The following PKHD1 variants were observed in gnomAD, a reference collection of about 807,000 sequenced individuals.
The protein encoded by PKHD1 is PKHD1 ciliary IPT domain containing fibrocystin/polyductin.
Under a neutral mutation model 412.0 loss-of-function variants are expected in PKHD1, and 291 were observed. That is an observed-to-expected ratio of 0.71 (90% confidence interval 0.64 to 0.78). The LOEUF is 0.78. Ranked by LOEUF, PKHD1 falls within the 30% of genes least tolerant of loss-of-function variation. The pLI, the probability that PKHD1 is intolerant of heterozygous loss-of-function variation, is 0.00. For missense variants in PKHD1, 4,825 were observed against 4,950.7 expected, an observed-to-expected ratio of 0.97 and a Z score of 0.76; for synonymous variants, 1,777 against 1,821.5, an observed-to-expected ratio of 0.98 and a Z score of 0.62.
intron 35 of PKHD1, among the ~76,000 whole-genome samples, chr6:51,964,079 C>A (rs1583593777): frequency 6.6e-6 from 1 of 152,126 alleles, no homozygotes; most frequent in Admixed American, 6.6e-5. Flanking sequence ...AAAAAACTTT[C>A]CTGCCTCAGC....
chr6:51,793,247 T>C (rs1474437592), intron 52 of PKHD1, among the ~76,000 whole-genome samples: 1 of 152,252 alleles, frequency 6.6e-6, no homozygotes, highest in East Asian at 1.9e-4. Flanking sequence ...GAGAATGTTC[T>C]AGGTTTAGCA....
At chr6:51,673,376 C>G (rs1775309046) in intron 60 of PKHD1, among the ~76,000 whole-genome samples, 1 of 152,194 alleles carries the variant, frequency 6.6e-6, no homozygotes, top group Admixed American at 6.5e-5. Flanking sequence ...AAAGCATTAA[C>G]CTGAAGCTTT....
intron 60 of PKHD1, among the ~76,000 whole-genome samples, chr6:51,738,378 C>A (rs1784127036): frequency 6.6e-6 from 1 of 152,168 alleles, no homozygotes; most frequent in Non-Finnish European, 1.5e-5. Context: ...TCAAAGGACA[C>A]AGAGTTGCAG....
At position 51,781,995 on chromosome 6, in the gene PKHD1, A is replaced by G. The variant is rs1792095558; in HGVS notation, c.8441-6074T>C. 2.0e-5 allele frequency among the ~76,000 whole-genome samples: 3 copies of G among 151,832 alleles called. No individual in the cohort carries two copies. The South Asian group carries it at 6.2e-4, about 32-fold the overall frequency. On this transcript the variant is annotated intron_variant, in intron 53 of 66. Coordinates refer to ENST00000371117, the MANE Select transcript of PKHD1 (RefSeq NM_138694.4). ...AAAATCATTCATTCATTTATTCACT[A>G]GCTTTCCTAAAATTATTTTGTTTGT...
At chr6:51,737,889 T>G (rs1056648590) in intron 60 of PKHD1, among the ~76,000 whole-genome samples, 1 of 152,184 alleles carries the variant, frequency 6.6e-6, no homozygotes, top group South Asian at 2.1e-4. Flanking sequence ...CATAAAAAAA[T>G]ATTGGCAGGA....
intron 52 of PKHD1, among the ~76,000 whole-genome samples, chr6:51,807,524 T>G (rs1413664308): frequency 6.8e-6 from 1 of 147,106 alleles, no homozygotes; most frequent in South Asian, 2.1e-4. Flanking sequence ...TGTGTGTGTA[T>G]CCATCTATAT....
intron 19 of PKHD1, 123 bp downstream of exon 19, chr6:52,055,464 C>T: frequency 9.0e-7 from 1 of 1,110,052 alleles, no homozygotes; most frequent in Non-Finnish European, 1.3e-6. Flanking sequence ...GAACCTCAGC[C>T]TGAAACACCT....
At chr6:51,688,511 A>AC (rs998944697) in intron 60 of PKHD1, among the ~76,000 whole-genome samples, 1 of 141,176 alleles carries the variant, frequency 7.1e-6, no homozygotes, top group African/African-American at 2.5e-5. Flanking sequence ...AAACACACAC[A>AC]AAAAAAAAAA....
At chr6:51,915,255 A>C (rs1253122546) in intron 37 of PKHD1, among the ~76,000 whole-genome samples, 1 of 151,734 alleles carries the variant, frequency 6.6e-6, no homozygotes, top group Non-Finnish European at 1.5e-5. Context: ...TCACCAACTC[A>C]CTCTGCTGCA....
intron 46 of PKHD1, among the ~76,000 whole-genome samples, chr6:51,882,495 TC>T (rs1420153148): frequency 6.6e-6 from 1 of 152,198 alleles, no homozygotes; most frequent in East Asian, 1.9e-4. Context: ...AGAATATTCT[TC>T]CTTGGCTCCC....
intron 52 of PKHD1, among the ~76,000 whole-genome samples, chr6:51,803,286 T>C (rs1471646209): frequency 6.6e-6 from 1 of 151,490 alleles, no homozygotes; most frequent in Non-Finnish European, 1.5e-5. Flanking sequence ...GTAAATTACA[T>C]GTATTCAAAG....
intron 8 of PKHD1, among the ~76,000 whole-genome samples, chr6:52,071,695 G>A (rs1234443841): frequency 6.6e-6 from 1 of 152,266 alleles, no homozygotes; most frequent in East Asian, 1.9e-4. Context: ...GTTAGACAGG[G>A]TTCAAATCCC....
intron 60 of PKHD1, among the ~76,000 whole-genome samples, chr6:51,663,626 T>C (rs1773223171): frequency 6.6e-6 from 1 of 152,178 alleles, no homozygotes; most frequent in South Asian, 2.1e-4. Context: ...TGATATGTAA[T>C]GTCCTTTTCA....
chr6:51,754,493 T>C (rs1786637687), intron 56 of PKHD1, among the ~76,000 whole-genome samples: 1 of 152,200 alleles, frequency 6.6e-6, no homozygotes, highest in Non-Finnish European at 1.5e-5. Context: ...CCCAGTGACC[T>C]TGAACAAGAC....
rs1775976614 is a variant in PKHD1 at position 51,871,392 on chromosome 6, A to G, written c.7351-753T>C. On this transcript the variant is annotated intron_variant, in intron 46 of 66. Coordinates refer to ENST00000371117, the MANE Select transcript of PKHD1 (RefSeq NM_138694.4). The stretch of plus-strand genomic sequence containing the variant: ...TGTGCAACAAGTTAGATGAATCCCA[A>G]TGGCATTCAGGAGTGAAGGAAGCCA... Among the ~76,000 whole-genome samples, 2 of 60,914 alleles carry G rather than the reference A, an allele frequency of 3.3e-5. 1 individual carries two copies. Among genetic ancestry groups the G allele is most frequent in the Non-Finnish European group, 1.1e-4 (2 of 18,236 alleles). 40.0% of individuals were successfully genotyped at this position (60,914 alleles called of 152,430 possible).
At chr6:51,744,982 G>A (rs1430131166) in intron 59 of PKHD1, among the ~76,000 whole-genome samples, 2 of 152,054 alleles carry the variant, frequency 1.3e-5, no homozygotes, top group African/African-American at 4.8e-5. Context: ...ACAAAAGACA[G>A]GCTGGGTAAC....
intron 51 of PKHD1, among the ~76,000 whole-genome samples, chr6:51,831,438 G>T (rs1391243866): frequency 6.6e-6 from 1 of 151,914 alleles, no homozygotes; most frequent in Non-Finnish European, 1.5e-5. Flanking sequence ...ATTTTCCTAT[G>T]CATTTTATAA....
intron 63 of PKHD1, among the ~76,000 whole-genome samples, chr6:51,642,568 G>C (rs1016744497): frequency 6.6e-6 from 1 of 152,098 alleles, no homozygotes; most frequent in Non-Finnish European, 1.5e-5. Flanking sequence ...GGCTGGGCAC[G>C]GTGGCTCACA....
intron 40 of PKHD1, among the ~76,000 whole-genome samples, chr6:51,908,062 G>A (rs1031459288): frequency 6.6e-6 from 1 of 152,038 alleles, no homozygotes; most frequent in East Asian, 1.9e-4. Flanking sequence ...TTGGCCGCAT[G>A]TCAAATATTC....
Sources: gnomAD v4.1 joint callset for allele counts (sites outside exome capture counted in the v4.1 genomes callset) on GRCh38, gnomAD v4.1.1 for gene constraint, MANE v1.5 for transcripts, NCBI Gene and HGNC (gene_info 2026-07-23, HGNC 2026-07-21) for gene names.